LRRIQ3: variants seen among roughly 807,000 people sequenced by gnomAD.
LRRIQ3 encodes leucine-rich repeat and IQ domain-containing protein 3.
A neutral mutation model predicts 59.3 loss-of-function variants in LRRIQ3; 75 were observed. The ratio of observed to expected loss-of-function variants is 1.26; its 90% CI spans 1.05 to 1.53. The LOEUF (loss-of-function observed/expected upper bound fraction) is 1.53. LRRIQ3 is among the 40% of genes most tolerant of loss of function. The pLI, the probability that LRRIQ3 is intolerant of heterozygous loss-of-function variation, is 0.00. For synonymous variants in LRRIQ3, 250 were observed against 231.3 expected, an observed-to-expected ratio of 1.08 and a Z score of -0.73; for missense variants, 831 against 710.0, an observed-to-expected ratio of 1.17 and a Z score of -1.94.
chr1:74,062,712 A>G (rs920039448), intron 6 of LRRIQ3, among the ~76,000 whole-genome samples: 1 of 152,152 alleles, frequency 6.6e-6, no homozygotes, highest in Non-Finnish European at 1.5e-5. Flanking sequence ...GTAGGCCATT[A>G]TCCTCAGCAA....
intron 5 of LRRIQ3, among the ~76,000 whole-genome samples, chr1:74,075,756 C>T (rs1198682931): frequency 3.3e-5 from 5 of 152,038 alleles, no homozygotes; most frequent in Admixed American, 6.6e-5. Context: ...TGTTACGGAG[C>T]TTTCATCAGG....
chr1:74,192,165 T>C (rs1650808236), intron 1 of LRRIQ3, among the ~76,000 whole-genome samples: 1 of 152,110 alleles, frequency 6.6e-6, no homozygotes, highest in African/African-American at 2.4e-5. Flanking sequence ...CTGTGGTTAC[T>C]TTTACCATGC....
intron 4 of LRRIQ3, among the ~76,000 whole-genome samples, chr1:74,119,162 T>C (rs1303991620): frequency 6.6e-6 from 1 of 152,138 alleles, no homozygotes; most frequent in Non-Finnish European, 1.5e-5. Context: ...AAAATGGTGA[T>C]AGCAATTGTC....
At chr1:74,049,189 CTAAG>C (rs951592246) in intron 6 of LRRIQ3, among the ~76,000 whole-genome samples, 1 of 152,162 alleles carries the variant, frequency 6.6e-6, no homozygotes, top group African/African-American at 2.4e-5. Context: ...CTGAAATCCA[CTAAG>C]TAAGAGGAGA....
At chr1:74,038,094 T>C (rs1377035321) in intron 7 of LRRIQ3, among the ~76,000 whole-genome samples, 1 of 152,198 alleles carries the variant, frequency 6.6e-6, no homozygotes, top group Non-Finnish European at 1.5e-5. Flanking sequence ...CAGCCATCTC[T>C]ATAGCTCCAG....
chr1:74,187,761 A>C (rs542422205), intron 1 of LRRIQ3, among the ~76,000 whole-genome samples: 3 of 152,262 alleles, frequency 2.0e-5, no homozygotes, highest in African/African-American at 7.2e-5. Flanking sequence ...CAACAAAAAA[A>C]GTCAAAAAAT....
chr1:74,189,161 T>C (rs1650594325), intron 1 of LRRIQ3, among the ~76,000 whole-genome samples: 1 of 152,060 alleles, frequency 6.6e-6, no homozygotes, highest in Admixed American at 6.6e-5. Context: ...TCTCAGGACC[T>C]CTCTATGTTG....
intron 7 of LRRIQ3, among the ~76,000 whole-genome samples, chr1:74,033,882 C>T (rs1361082324): frequency 6.6e-6 from 1 of 151,950 alleles, no homozygotes; most frequent in African/African-American, 2.4e-5. Context: ...TCAAAATGGA[C>T]ACCCTGCTCT....
intron 5 of LRRIQ3, among the ~76,000 whole-genome samples, chr1:74,079,237 C>T (rs183530264): frequency 1.1e-4 from 16 of 151,852 alleles, no homozygotes; most frequent in Non-Finnish European, 2.1e-4. Context: ...CAAAATATGG[C>T]TCCTCACCAC....
chr1:74,182,886 A>C (rs770819196), intron 2 of LRRIQ3, 25 bp from the exon 3 acceptor site: 2 of 1,284,562 alleles, frequency 1.6e-6, no homozygotes, highest in South Asian at 3.8e-5. Flanking sequence ...AAAATCTTTT[A>C]AATTCCAAAA....
chr1:74,101,618 A>T (rs1247028643), intron 5 of LRRIQ3, among the ~76,000 whole-genome samples: 2 of 152,352 alleles, frequency 1.3e-5, no homozygotes, highest in East Asian at 1.9e-4. Context: ...ATGTATGTTT[A>T]TTGTGGCACT....
At chr1:74,060,853 G>A (rs1654703676) in intron 6 of LRRIQ3, among the ~76,000 whole-genome samples, 1 of 152,098 alleles carries the variant, frequency 6.6e-6, no homozygotes, top group African/African-American at 2.4e-5. Context: ...GAAGGGGCAG[G>A]AATCTGGGAC....
intron 4 of LRRIQ3, 72 bp downstream of exon 4, chr1:74,155,661 A>T: frequency 7.2e-7 from 1 of 1,392,782 alleles, no homozygotes; most frequent in Non-Finnish European, 9.7e-7. Context: ...ATTATTGGAG[A>T]ATTGACTTCT....
chr1:74,067,103 T>C (rs886103987), intron 6 of LRRIQ3, among the ~76,000 whole-genome samples: 1 of 152,124 alleles, frequency 6.6e-6, no homozygotes, highest in Non-Finnish European at 1.5e-5. Context: ...TCGCCAAACA[T>C]TGAACACACT....
chr1:74,163,535 A>G (rs1274494827), intron 3 of LRRIQ3, among the ~76,000 whole-genome samples: 2 of 151,692 alleles, frequency 1.3e-5, no homozygotes, highest in Non-Finnish European at 3.0e-5. Context: ...ATAATTTTAT[A>G]TAAGTAGCAT....
chr1:74,117,224 G>A (rs1017577412), intron 4 of LRRIQ3, among the ~76,000 whole-genome samples: 2 of 152,074 alleles, frequency 1.3e-5, no homozygotes, highest in South Asian at 2.1e-4. Context: ...TGGAAAAGAT[G>A]TGTATATTTT....
At chr1:74,152,442 T>C (rs2100660330) in intron 4 of LRRIQ3, among the ~76,000 whole-genome samples, 1 of 152,280 alleles carries the variant, frequency 6.6e-6, no homozygotes, top group East Asian at 1.9e-4. Context: ...TCTTGAATTG[T>C]ATTAAATACA....
At chr1:74,130,663 G>C (rs1647001298) in intron 4 of LRRIQ3, among the ~76,000 whole-genome samples, 1 of 152,096 alleles carries the variant, frequency 6.6e-6, no homozygotes, top group Non-Finnish European at 1.5e-5. Context: ...AGGATGATCA[G>C]TAGAGGTTTC....
rs542576621 is a variant in LRRIQ3 at position 74,195,939 on chromosome 1, T to A, written c.-1+2057A>T. Among the ~76,000 whole-genome samples, 8 of 152,206 alleles carry A rather than the reference T, an allele frequency of 5.3e-5. No individual in the cohort carries two copies. In the South Asian group the frequency reaches 1.5e-3, roughly 28 times the overall value. On this transcript the variant is annotated intron_variant, in intron 1 of 7. Coordinates refer to ENST00000354431, the MANE Select transcript of LRRIQ3 (RefSeq NM_001105659.2). ...AACTTAAATAAAATCCCTAAACTTTTTTTGCCTCCAACAATCAACTGCCAC... is the reference window on the plus strand; with the variant it reads ...AACTTAAATAAAATCCCTAAACTTTATTTGCCTCCAACAATCAACTGCCAC...
Sources: allele counts gnomAD v4.1 joint callset (sites outside exome capture counted in the v4.1 genomes callset), GRCh38; gene constraint gnomAD v4.1.1; transcripts MANE v1.5; gene names NCBI Gene and HGNC (gene_info 2026-07-23, HGNC 2026-07-21).